GRM8: variants seen among roughly 807,000 people sequenced by gnomAD.
GRM8 encodes glutamate metabotropic receptor 8.
GRM8 carries 47 observed loss-of-function variants against 87.2 expected under a neutral mutation model. The observed-to-expected ratio is 0.54, with a 90% CI of 0.43 to 0.69. GRM8 has a LOEUF of 0.69. GRM8 is among the 30% of genes least tolerant of loss of function. The probability of loss-of-function intolerance (pLI) is 0.00; values close to 1 mark genes in which losing one functional copy is unlikely to be tolerated. For missense variants in GRM8, 1,019 were observed against 1,139.2 expected (o/e 0.89, Z 1.52); for synonymous variants, 396 against 404.5 (o/e 0.98, Z 0.25).
chr7:126,777,312 T>C (rs967549857), intron 6 of GRM8, among the ~76,000 whole-genome samples: 3 of 152,166 alleles, frequency 2.0e-5, no homozygotes, highest in Non-Finnish European at 2.9e-5. Flanking sequence ...TTCTAAATTA[T>C]TACTACTCCT....
chr7:126,752,653 T>C (rs763924094), intron 7 of GRM8, among the ~76,000 whole-genome samples: 2 of 152,074 alleles, frequency 1.3e-5, no homozygotes, highest in Non-Finnish European at 2.9e-5. Flanking sequence ...TTTGAGAACT[T>C]CAGGAAATAA....
At chr7:126,825,329 G>A (rs766198991) in intron 6 of GRM8, among the ~76,000 whole-genome samples, 1 of 152,158 alleles carries the variant, frequency 6.6e-6, no homozygotes, top group Non-Finnish European at 1.5e-5. Flanking sequence ...GCCTCCCAAA[G>A]TGCTGGGATT....
At chr7:126,596,877 A>G (rs1797251593) in intron 8 of GRM8, among the ~76,000 whole-genome samples, 1 of 152,298 alleles carries the variant, frequency 6.6e-6, no homozygotes, top group Middle Eastern at 3.4e-3. Context: ...TAAAAGGGAC[A>G]TGGAATCTTA....
At chr7:126,793,230 A>C (rs1160677007) in intron 6 of GRM8, among the ~76,000 whole-genome samples, 4 of 152,202 alleles carry the variant, frequency 2.6e-5, no homozygotes, top group African/African-American at 9.7e-5. Context: ...CTTTAAAAAA[A>C]TTAAGTAATC....
chr7:127,030,899 A>G (rs1817298480), intron 3 of GRM8, among the ~76,000 whole-genome samples: 1 of 152,120 alleles, frequency 6.6e-6, no homozygotes, highest in East Asian at 1.9e-4. Context: ...CATGGTTTCC[A>G]GACCCACTGA....
chr7:126,585,345 C>T (rs1337423578), intron 8 of GRM8, among the ~76,000 whole-genome samples: 1 of 152,086 alleles, frequency 6.6e-6, no homozygotes, highest in African/African-American at 2.4e-5. Flanking sequence ...TCCTAATTTC[C>T]AGTTATGCTT....
At chr7:126,834,614 C>G (rs1795677343) in intron 6 of GRM8, among the ~76,000 whole-genome samples, 1 of 151,984 alleles carries the variant, frequency 6.6e-6, no homozygotes, top group African/African-American at 2.4e-5. Context: ...TTCAGTTGTC[C>G]TAAAGATAAT....
intron 7 of GRM8, among the ~76,000 whole-genome samples, chr7:126,747,000 A>T (rs903768122): frequency 2.6e-5 from 4 of 151,786 alleles, no homozygotes; most frequent in African/African-American, 9.7e-5. Flanking sequence ...ATTATATTTA[A>T]ATGTATGTAT....
intron 9 of GRM8, among the ~76,000 whole-genome samples, chr7:126,517,614 A>G (rs1400154634): frequency 6.6e-6 from 1 of 152,094 alleles, no homozygotes; most frequent in African/African-American, 2.4e-5. Flanking sequence ...ACTATCACAC[A>G]TTGTGATCAG....
At chr7:127,184,297 T>C (rs1260783655) in intron 2 of GRM8, among the ~76,000 whole-genome samples, 1 of 151,864 alleles carries the variant, frequency 6.6e-6, no homozygotes, top group Non-Finnish European at 1.5e-5. Flanking sequence ...AAAATAATTA[T>C]ACATCATGAC....
intron 2 of GRM8, among the ~76,000 whole-genome samples, chr7:127,165,145 T>A (rs1254044911): frequency 8.9e-5 from 1 of 11,226 alleles, no homozygotes; most frequent in African/African-American, 8.5e-4. Flanking sequence ...TAAACAGATA[T>A]ATATATATAT....
chr7:126,653,582 G>A (rs2299486), intron 7 of GRM8, among the ~76,000 whole-genome samples: 46,761 of 152,000 alleles, frequency 0.31, 8,056 homozygotes, highest in East Asian at 0.44. Context: ...CAGAAAATAC[G>A]CTTACTTTAT....
intron 6 of GRM8, among the ~76,000 whole-genome samples, chr7:126,833,137 C>T (rs1409550102): frequency 2.6e-5 from 4 of 152,168 alleles, no homozygotes; most frequent in African/African-American, 7.2e-5. Flanking sequence ...AAGACACTTA[C>T]AAGTTTAAAT....
chr7:126,720,041 C>A (rs1812201888), intron 7 of GRM8, among the ~76,000 whole-genome samples: 1 of 151,834 alleles, frequency 6.6e-6, no homozygotes, highest in South Asian at 2.1e-4. Flanking sequence ...TAAACATACC[C>A]TTTCTTACTT....
intron 8 of GRM8, among the ~76,000 whole-genome samples, chr7:126,557,510 A>C (rs1793278588): frequency 6.6e-6 from 1 of 152,156 alleles, no homozygotes; most frequent in Non-Finnish European, 1.5e-5. Context: ...TTAGTAAAAC[A>C]ACCACAAGTG....
At chr7:127,098,787 A>T (rs1824928493) in intron 3 of GRM8, among the ~76,000 whole-genome samples, 1 of 152,204 alleles carries the variant, frequency 6.6e-6, no homozygotes, top group African/African-American at 2.4e-5. Flanking sequence ...GGGGAGAAAG[A>T]CACACATAGA....
chr7:127,149,012 T>C (rs1828702554), intron 2 of GRM8, among the ~76,000 whole-genome samples: 1 of 152,002 alleles, frequency 6.6e-6, no homozygotes, highest in Admixed American at 6.6e-5. Flanking sequence ...CTCATGGACA[T>C]TGGCCTTGAT....
intron 3 of GRM8, among the ~76,000 whole-genome samples, chr7:127,072,856 A>G (rs1463384921): frequency 1.3e-5 from 2 of 152,120 alleles, no homozygotes; most frequent in African/African-American, 4.8e-5. Flanking sequence ...GATGGGCAAG[A>G]TAAGGTCAGA....
intron 3 of GRM8, among the ~76,000 whole-genome samples, chr7:127,065,147 G>C (rs1483993137): frequency 6.6e-6 from 1 of 152,154 alleles, no homozygotes; most frequent in African/African-American, 2.4e-5. Flanking sequence ...ATTGAATAAA[G>C]GAAATGTAGT....
Sources: allele counts gnomAD v4.1 joint callset (sites outside exome capture counted in the v4.1 genomes callset), GRCh38; gene constraint gnomAD v4.1.1; transcripts MANE v1.5; gene names NCBI Gene and HGNC (gene_info 2026-07-23, HGNC 2026-07-21).